CELF4: variants seen among roughly 807,000 people sequenced by gnomAD.
CELF4 encodes CUG-BP- and ETR-3-like factor 4.
In CELF4, 18 loss-of-function variants were observed where a neutral mutation model predicts 59.9. The observed-to-expected ratio is 0.30, with a 90% CI of 0.21 to 0.45. The LOEUF is 0.45. Ranked by LOEUF, CELF4 falls within the 20% of genes least tolerant of loss-of-function variation. The pLI is 1.00. For synonymous variants in CELF4, 261 were observed against 267.1 expected, an observed-to-expected ratio of 0.98 and a Z score of 0.22; for missense variants, 456 against 689.0, an observed-to-expected ratio of 0.66 and a Z score of 3.79.
rs182773206 is a variant in CELF4, at chr18:37,244,784, A to C, written c.*458T>G. The C allele has an allele frequency of 1.3e-5, 2 of 152,688 alleles. No homozygotes were observed. The highest frequency in any genetic ancestry group is 3.9e-4 in the East Asian group (2 of 5,162). The allele number at this position is 152,688 out of a possible 1,614,324, so 9.5% of individuals were successfully genotyped here. A position where few individuals can be genotyped will look rare whatever the true frequency, so the allele number is the denominator to read the frequency against. On this transcript the variant is annotated 3_prime_UTR_variant, in exon 13 of 13. Transcript: ENST00000420428. Reference sequence around the variant, plus strand: ...TAGAGATGCTCAGTGGCGGCCTCTCAGCCGCCCCTTGGGGACCAGGCCCCA... The same window carrying C: ...TAGAGATGCTCAGTGGCGGCCTCTCCGCCGCCCCTTGGGGACCAGGCCCCA...
chr18:37,343,619 G>T (rs879511128), intron 2 of CELF4, among the ~76,000 whole-genome samples: 2 of 151,992 alleles, frequency 1.3e-5, no homozygotes, highest in Non-Finnish European at 2.9e-5. Flanking sequence ...GGGTGCGTGT[G>T]TATATGTAGG....
chr18:37,463,984 T>G (rs2099800851), intron 2 of CELF4, among the ~76,000 whole-genome samples: 1 of 152,048 alleles, frequency 6.6e-6, no homozygotes, highest in Admixed American at 6.6e-5. Context: ...ATACCACACC[T>G]GCCACCCGCA....
chr18:37,500,654 C>T (rs1192912909), intron 1 of CELF4, among the ~76,000 whole-genome samples: 1 of 151,856 alleles, frequency 6.6e-6, no homozygotes, highest in African/African-American at 2.4e-5. Context: ...CTGCCTCAGC[C>T]TCCCGAGTAG....
intron 10 of CELF4, 129 bp downstream of exon 10, chr18:37,264,545 G>A: frequency 1.4e-6 from 1 of 738,036 alleles, no homozygotes. Flanking sequence ...GTCTTCCCTT[G>A]CCCACCTCAA....
intron 2 of CELF4, among the ~76,000 whole-genome samples, chr18:37,356,157 C>G (rs1225792248): frequency 6.6e-6 from 1 of 152,150 alleles, no homozygotes; most frequent in African/African-American, 2.4e-5. Flanking sequence ...TATTAGGAAC[C>G]ACTGACCAAT....
At chr18:37,343,329 CTGTGTGTGTGTGTGTGTGTGTGTGTG>C (rs5824051) in intron 2 of CELF4, among the ~76,000 whole-genome samples, 16 of 126,956 alleles carry the variant, frequency 1.3e-4, no homozygotes, top group East Asian at 2.4e-4. Context: ...GGTGTTGATT[CTGTGTGTGTGTGTGTGTGTGTGTGTG>C]TGTGTGTGTG....
chr18:37,500,785 C>T (rs532858745), intron 1 of CELF4, among the ~76,000 whole-genome samples: 135 of 152,224 alleles, frequency 8.9e-4, no homozygotes, highest in African/African-American at 3.1e-3. Context: ...CCACCCGCCT[C>T]GGTCTCCCAA....
chr18:37,484,500 G>T (rs1441371083), intron 2 of CELF4, among the ~76,000 whole-genome samples: 1 of 152,200 alleles, frequency 6.6e-6, no homozygotes, highest in Non-Finnish European at 1.5e-5. Context: ...CCCGTGCTTT[G>T]CAATCACAAA....
intron 2 of CELF4, among the ~76,000 whole-genome samples, chr18:37,352,638 T>C (rs993337142): frequency 1.3e-5 from 2 of 152,082 alleles, no homozygotes; most frequent in African/African-American, 4.8e-5. Context: ...AAGTATCTGC[T>C]TTGGATTCCA....
At chr18:37,379,128 T>C (rs1257581605) in intron 2 of CELF4, among the ~76,000 whole-genome samples, 1 of 152,194 alleles carries the variant, frequency 6.6e-6, no homozygotes. Context: ...CCTCATCCAG[T>C]TGTTCACCTG....
At chr18:37,324,771 C>T (rs544911276) in intron 2 of CELF4, among the ~76,000 whole-genome samples, 1 of 152,280 alleles carries the variant, frequency 6.6e-6, no homozygotes, top group African/African-American at 2.4e-5. Context: ...GGAACAGCTG[C>T]TATACTGATC....
chr18:37,311,243 TA>T (rs2154489769), intron 3 of CELF4, among the ~76,000 whole-genome samples: 1 of 152,294 alleles, frequency 6.6e-6, no homozygotes, highest in South Asian at 2.1e-4. Flanking sequence ...GGTTTGCAGT[TA>T]ATTATATTTT....
intron 1 of CELF4, among the ~76,000 whole-genome samples, chr18:37,547,160 G>GGTGTGTGTGTGGTGTGTGTGT (rs2099981694): frequency 6.9e-6 from 1 of 144,170 alleles, no homozygotes; most frequent in Non-Finnish European, 1.5e-5. Flanking sequence ...GTGTGTGTGT[G>GGTGTGTGTGTGGTGTGTGTGT]GTGTGTGTGT....
rs1217750630 is a variant in CELF4 at position 37,321,816 on chromosome 18, G to A, written c.435C>T (p.Arg145=). 1.2e-6 allele frequency: 2 copies of A among 1,612,192 alleles called. No homozygotes were observed. The highest frequency in any genetic ancestry group is 1.7e-6 in the Non-Finnish European group (2 of 1,179,090). The change falls in exon 3 of 13, where the codon CGC becomes CGT. Residue 145 remains arginine (R), a synonymous_variant. Transcript: ENST00000420428. ...GTGGGCCCTCACGTGAAGGGGGCTG[G>A]CGCAGGCAGCTACTACCTCCTCGGC... ...SESRGGSSCL[R]QPPSQDRKLF...
intron 3 of CELF4, among the ~76,000 whole-genome samples, chr18:37,283,270 C>T (rs908267379): frequency 3.3e-5 from 5 of 152,028 alleles, no homozygotes; most frequent in African/African-American, 1.2e-4. Flanking sequence ...GGTGCTGACA[C>T]CCACCAAGCC....
chr18:37,311,648 G>C (rs1415551404), intron 3 of CELF4, among the ~76,000 whole-genome samples: 9 of 151,958 alleles, frequency 5.9e-5, no homozygotes, highest in African/African-American at 1.9e-4. Context: ...AATTAGCTGG[G>C]CATGGTGGCA....
chr18:37,505,531 G>A (rs1252257526), intron 1 of CELF4, among the ~76,000 whole-genome samples: 2 of 152,162 alleles, frequency 1.3e-5, no homozygotes, highest in East Asian at 3.9e-4. Flanking sequence ...GCCAGGTGGG[G>A]TGATTGTGGG....
Position 37,369,909 on chromosome 18 carries a change from C to T in CELF4, c.370-48028G>A, listed in dbSNP as rs927315859. Among the ~76,000 whole-genome samples, 6 of 152,258 alleles carry T rather than the reference C, an allele frequency of 3.9e-5. No individual in the cohort carries two copies. In the East Asian group the frequency reaches 1.2e-3, roughly 29 times the overall value. On this transcript the variant is annotated intron_variant, in intron 2 of 12. Transcript: ENST00000420428. The stretch of plus-strand genomic sequence containing the variant: ...TGTGCCTTCTGCATGAGAGCTGTGC[C>T]TGTCTCCTCCTGGCTCTGGGGCCTT...
intron 11 of CELF4, among the ~76,000 whole-genome samples, chr18:37,255,234 GC>G (rs2068490495): frequency 6.6e-6 from 1 of 152,022 alleles, no homozygotes; most frequent in South Asian, 2.1e-4. Flanking sequence ...TGAAGTAGAA[GC>G]CGTCTTCTCA....
Sources: gnomAD v4.1 joint callset for allele counts (sites outside exome capture counted in the v4.1 genomes callset) on GRCh38, gnomAD v4.1.1 for gene constraint, MANE v1.5 for transcripts, NCBI Gene and HGNC (gene_info 2026-07-23, HGNC 2026-07-21) for gene names.